HSPA4L: variants seen among roughly 807,000 people sequenced by gnomAD.
The protein encoded by HSPA4L is heat shock protein family A (Hsp70) member 4 like.
Under a neutral mutation model 100.3 loss-of-function variants are expected in HSPA4L, and 48 were observed. The observed-to-expected ratio is 0.48, with a 90% CI of 0.38 to 0.61. The LOEUF (loss-of-function observed/expected upper bound fraction) is 0.61, where lower values mean the gene tolerates loss of function less well. Ranked by LOEUF, HSPA4L falls within the 20% of genes least tolerant of loss-of-function variation. The probability of loss-of-function intolerance (pLI) is 0.00; values close to 1 mark genes in which losing one functional copy is unlikely to be tolerated. For synonymous variants in HSPA4L, 319 were observed against 328.2 expected (o/e 0.97, Z 0.30); for missense variants, 886 against 988.6 (o/e 0.90, Z 1.39).
In HSPA4L at chr4:127,811,648, T is replaced by C. The variant is rs924450053; in HGVS notation, c.1578+12T>C. On this transcript the variant is annotated intron_variant, in intron 12 of 18. Transcript: ENST00000296464. ...ACAAAGATAATATGGTATGTAGAAA[T>C]TCTTTCTCAATGTTCTTGTAATAGA... 5 of 1,582,422 alleles carry C rather than the reference T, an allele frequency of 3.2e-6. No individual in the cohort carries two copies. Among genetic ancestry groups the C allele is most frequent in the Non-Finnish European group, 3.5e-6 (4 of 1,157,318 alleles).
rs766975648 is a variant in HSPA4L at position 127,840,065 on chromosome 4, C to G, written c.*7191C>G. The G allele has an allele frequency of 5.3e-5, 8 of 151,772 alleles. No homozygotes were observed. Among genetic ancestry groups the G allele is most frequent in the Non-Finnish European group, 8.8e-5 (6 of 67,958 alleles). The allele number at this position is 151,772 out of a possible 1,614,324, so 9.4% of individuals were successfully genotyped here. The stretch of plus-strand genomic sequence containing the variant: ...AACCCCATCTCTACTAAAAAAAATA[C>G]AAAAATTAGCGGGGCCATGGTGACG... On this transcript the variant is annotated 3_prime_UTR_variant, in exon 19 of 19. Coordinates refer to ENST00000296464, the MANE Select transcript of HSPA4L (RefSeq NM_014278.4).
intron 11 of HSPA4L, chr4:127,809,089 C>T (rs1733453496): frequency 8.7e-6 from 5 of 576,954 alleles, no homozygotes; most frequent in African/African-American, 1.9e-5. Context: ...GAAGGTGAGG[C>T]GGTCCCGGAG....
At chr4:127,816,297 A>G (rs895226622) in intron 12 of HSPA4L, among the ~76,000 whole-genome samples, 5 of 152,168 alleles carry the variant, frequency 3.3e-5, no homozygotes, top group Admixed American at 6.5e-5. Context: ...ACTATTGATA[A>G]TATTTCTATA....
chr4:127,819,875 G>T (rs1016810420), intron 13 of HSPA4L, among the ~76,000 whole-genome samples: 2 of 152,046 alleles, frequency 1.3e-5, no homozygotes, highest in Admixed American at 6.6e-5. Context: ...TCTATCAGTT[G>T]ATAGACATTT....
chr4:127,816,207 A>G (rs1424321947), intron 12 of HSPA4L, among the ~76,000 whole-genome samples: 1 of 152,216 alleles, frequency 6.6e-6, no homozygotes, highest in Non-Finnish European at 1.5e-5. Context: ...AGCAGCAAAC[A>G]GAAAGATGGT....
At chr4:127,829,971 ATTTG>A (rs904422244) in intron 17 of HSPA4L, among the ~76,000 whole-genome samples, 29 of 151,628 alleles carry the variant, frequency 1.9e-4, no homozygotes, top group Admixed American at 9.3e-4. Context: ...TGGGTTTTCC[ATTTG>A]TTTGTTTGGG....
chr4:127,830,626 T>G lies in HSPA4L; in HGVS notation c.2167-12T>G. ...TCATTAACATGCAGTCAAGCTTTTT[T>G]TTTTTAAATAGGATGAAAGATATGA... On this transcript the variant is annotated splice_polypyrimidine_tract_variant and intron_variant, in intron 17 of 18. Coordinates refer to ENST00000296464, the MANE Select transcript of HSPA4L (RefSeq NM_014278.4). 6.4e-7 allele frequency: 1 copy of G among 1,563,698 alleles called. No homozygotes were observed. The highest frequency in any genetic ancestry group is 8.6e-7 in the Non-Finnish European group (1 of 1,163,630).
At chr4:127,800,489 A>G (rs888578937) in intron 4 of HSPA4L, among the ~76,000 whole-genome samples, 1 of 152,110 alleles carries the variant, frequency 6.6e-6, no homozygotes. Flanking sequence ...AAAATTTTGT[A>G]TACATATATA....
rs752802137 is a variant in HSPA4L, at chr4:127,807,979, C to A, written c.1245-17C>A. 9 of 1,603,642 alleles carry A rather than the reference C, an allele frequency of 5.6e-6. No individual in the cohort carries two copies. Among genetic ancestry groups the A allele is most frequent in the Non-Finnish European group, 7.6e-6 (9 of 1,177,122 alleles). On this transcript the variant is annotated splice_polypyrimidine_tract_variant and intron_variant, in intron 10 of 18. Coordinates refer to ENST00000296464, the MANE Select transcript of HSPA4L (RefSeq NM_014278.4). ...CTTTCTATTTGTTTCTAAGTGAGTT[C>A]TTTCCCTCCATTTTAGGGAATGTGA...
At chr4:127,804,969 C>T in intron 8 of HSPA4L, 104 bp from the exon 9 acceptor site, 1 of 621,732 alleles carries the variant, frequency 1.6e-6, no homozygotes, top group East Asian at 3.0e-5. Flanking sequence ...CTTTTATTTT[C>T]TGACAAGTAA....
intron 2 of HSPA4L, 61 bp from the exon 3 acceptor site, chr4:127,795,707 G>A (rs1275158863): frequency 3.2e-6 from 5 of 1,543,186 alleles, no homozygotes; most frequent in Non-Finnish European, 4.5e-6. Flanking sequence ...CAAGTACTAG[G>A]ATAGAATTTT....
chr4:127,803,587 C>G, intron 6 of HSPA4L, 42 bp from the exon 7 acceptor site: 6 of 1,428,766 alleles, frequency 4.2e-6, no homozygotes, highest in Non-Finnish European at 5.6e-6. Context: ...TTGGAAGAAT[C>G]TATATTTCTG....
At chr4:127,813,277 C>CT in intron 12 of HSPA4L, 1 of 737,174 alleles carries the variant, frequency 1.4e-6, no homozygotes, top group Non-Finnish European at 2.3e-6. Context: ...CAGTTTCTCC[C>CT]TTTTTTTAAG....
rs111309348 is a variant in HSPA4L, at chr4:127,782,426, C to A, written c.-125C>A. The A allele has an allele frequency of 6.8e-6, 5 of 737,050 alleles. No individual in the cohort carries two copies. The highest frequency in any genetic ancestry group is 9.5e-6 in the Non-Finnish European group (4 of 422,110). The allele number at this position is 737,050 out of a possible 1,614,324, so 45.7% of individuals were successfully genotyped here. A position where few individuals can be genotyped will look rare whatever the true frequency, so the allele number is the denominator to read the frequency against. ...TCCCTGCCCTAGATTTTCTGCTTAG[C>A]GACTTGGGGTCCCCTCTCGTTTGCT... On this transcript the variant is annotated 5_prime_UTR_variant, in exon 1 of 19. Coordinates refer to ENST00000296464, the MANE Select transcript of HSPA4L (RefSeq NM_014278.4).
At position 127,840,318 on chromosome 4, in the gene HSPA4L, T is replaced by C. The variant is rs1734338137; in HGVS notation, c.*7444T>C. The C allele has an allele frequency of 6.6e-6, 1 of 152,044 alleles. No individual in the cohort carries two copies. Among genetic ancestry groups the C allele is most frequent in the Non-Finnish European group, 1.5e-5 (1 of 68,008 alleles). 9.4% of individuals were successfully genotyped at this position (152,044 alleles called of 1,614,324 possible). A position where few individuals can be genotyped will look rare whatever the true frequency, so the allele number is the denominator to read the frequency against. Reference sequence around the variant, plus strand: ...GCAGTTTAGTTCCTAATGTTAACAATTCCTCTTTTTAAGAGAGGTACTACA... The same window carrying C: ...GCAGTTTAGTTCCTAATGTTAACAACTCCTCTTTTTAAGAGAGGTACTACA... On this transcript the variant is annotated 3_prime_UTR_variant, in exon 19 of 19. Coordinates refer to ENST00000296464, the MANE Select transcript of HSPA4L (RefSeq NM_014278.4).
chr4:127,815,084 T>C (rs1189399921), intron 12 of HSPA4L, among the ~76,000 whole-genome samples: 1 of 152,120 alleles, frequency 6.6e-6, no homozygotes, highest in Non-Finnish European at 1.5e-5. Context: ...TTGCTGGCTC[T>C]GAGGTAGATA....
At chr4:127,794,008 G>T in intron 1 of HSPA4L, 69 bp from the exon 2 acceptor site, 2 of 1,065,458 alleles carry the variant, frequency 1.9e-6, no homozygotes, top group South Asian at 1.7e-5. Flanking sequence ...TTTCTTATAA[G>T]GAGAAGCAAA....
rs1162821377 is a variant in HSPA4L at position 127,837,546 on chromosome 4, G to A, written c.*4672G>A. ...CACTTAGCAAACTAATCTTTGTAAA[G>A]CAGTCAGTTTCAGAAGATACTTTTT... On this transcript the variant is annotated 3_prime_UTR_variant, in exon 19 of 19. Transcript: ENST00000296464. 6.6e-6 allele frequency: 1 copy of A among 152,162 alleles called. No individual in the cohort carries two copies. The highest frequency in any genetic ancestry group is 1.5e-5 in the Non-Finnish European group (1 of 68,034). 9.4% of individuals were successfully genotyped at this position (152,162 alleles called of 1,614,324 possible). A position where few individuals can be genotyped will look rare whatever the true frequency, so the allele number is the denominator to read the frequency against.
intron 5 of HSPA4L, among the ~76,000 whole-genome samples, chr4:127,801,489 G>A (rs866133942): frequency 9.4e-6 from 1 of 106,828 alleles, no homozygotes; most frequent in Non-Finnish European, 2.2e-5. Flanking sequence ...GTGTGTGTGT[G>A]TGTGTGTGTG....
Sources: allele counts gnomAD v4.1 joint callset (sites outside exome capture counted in the v4.1 genomes callset), GRCh38; gene constraint gnomAD v4.1.1; transcripts MANE v1.5; gene names NCBI Gene and HGNC (gene_info 2026-07-23, HGNC 2026-07-21).